LMNTD1: variants seen among roughly 807,000 people sequenced by gnomAD.
The protein encoded by LMNTD1 is lamin tail domain-containing protein 1.
LMNTD1 carries 35 observed loss-of-function variants against 50.9 expected under a neutral mutation model. The observed-to-expected ratio is 0.69, with a 90% CI of 0.53 to 0.91. The LOEUF (loss-of-function observed/expected upper bound fraction) is 0.91. LMNTD1 is among the 40% of genes least tolerant of loss of function. The pLI, the probability that LMNTD1 is intolerant of heterozygous loss-of-function variation, is 0.00. For missense variants in LMNTD1, 470 were observed against 475.5 expected (o/e 0.99, Z 0.11); for synonymous variants, 153 against 161.9 (o/e 0.94, Z 0.42).
chr12:25,619,928 C>G (rs763824492), intron 1 of LMNTD1, among the ~76,000 whole-genome samples: 5 of 152,186 alleles, frequency 3.3e-5, no homozygotes, highest in Admixed American at 6.5e-5. Context: ...TTTAATAACT[C>G]AAGAGTTTGA....
intron 6 of LMNTD1, among the ~76,000 whole-genome samples, chr12:25,523,119 C>T (rs1001655329): frequency 5.3e-5 from 8 of 152,040 alleles, no homozygotes; most frequent in African/African-American, 1.7e-4. Flanking sequence ...CTGCAACCTC[C>T]GCCTCCCAGG....
intron 9 of LMNTD1, among the ~76,000 whole-genome samples, chr12:25,502,358 C>T (rs1939442052): frequency 6.6e-6 from 1 of 152,130 alleles, no homozygotes; most frequent in Non-Finnish European, 1.5e-5. Context: ...AATGCCTGGG[C>T]AGATTTCAGA....
chr12:25,552,469 GGT>G lies in LMNTD1; in HGVS notation c.89+400_89+401del, dbSNP rs986077950. On this transcript the variant is annotated intron_variant, in intron 2 of 9. Coordinates refer to ENST00000458174, the MANE Select transcript of LMNTD1 (RefSeq NM_001145728.2). ...AAAATACAAAAAATTAGCCGGGCGT[GGT>G]GGCGGGCGCCTGTAGTCCTAGCTAC... is the stretch of plus-strand genomic sequence containing the variant. 1.3e-4 allele frequency among the ~76,000 whole-genome samples: 20 copies of G among 151,494 alleles called. 1 individual carries two copies. The highest frequency in any genetic ancestry group is 2.9e-5 in the Non-Finnish European group (2 of 67,890).
At chr12:25,503,025 A>G (rs954658243) in intron 9 of LMNTD1, 2 of 152,276 alleles carry the variant, frequency 1.3e-5, no homozygotes, top group Non-Finnish European at 2.9e-5. Context: ...TAAGTCAAGT[A>G]AAGAATAGGA....
At chr12:25,487,625 T>C (rs1295663806) in intron 9 of LMNTD1, among the ~76,000 whole-genome samples, 1 of 128,572 alleles carries the variant, frequency 7.8e-6, no homozygotes, top group African/African-American at 3.0e-5. Context: ...GAGAATTTAG[T>C]CCATTTACAT....
At chr12:25,507,127 C>T (rs1409976768) in intron 8 of LMNTD1, among the ~76,000 whole-genome samples, 4 of 152,100 alleles carry the variant, frequency 2.6e-5, no homozygotes, top group Middle Eastern at 3.2e-3. Context: ...GCACCCACCT[C>T]GGCCTCCCAA....
At chr12:25,517,023 A>C (rs1940838679) in intron 8 of LMNTD1, among the ~76,000 whole-genome samples, 1 of 137,088 alleles carries the variant, frequency 7.3e-6, no homozygotes, top group Non-Finnish European at 1.6e-5. Flanking sequence ...ATCTCACACC[A>C]GTTAGAATGG....
At chr12:25,577,621 A>G (rs535694564) in intron 1 of LMNTD1, among the ~76,000 whole-genome samples, 2 of 152,320 alleles carry the variant, frequency 1.3e-5, no homozygotes, top group African/African-American at 2.4e-5. Flanking sequence ...CAATCATGTC[A>G]TCTGCAAACA....
chr12:25,552,610 T>C lies in LMNTD1; in HGVS notation c.89+261A>G, dbSNP rs900628510. On this transcript the variant is annotated intron_variant, in intron 2 of 9. Coordinates refer to ENST00000458174, the MANE Select transcript of LMNTD1 (RefSeq NM_001145728.2). ...AAAAAAAAAAAAAAAAACGGAACTTTGGCTGGAATCTCAGCTAGGTCTTAT... is the reference window on the plus strand; with the variant it reads ...AAAAAAAAAAAAAAAAACGGAACTTCGGCTGGAATCTCAGCTAGGTCTTAT... Among the ~76,000 whole-genome samples the C allele has an allele frequency of 1.0e-3, 84 of 83,828 alleles. 1 individual carries two copies. The highest frequency in any genetic ancestry group is 2.1e-3 in the Admixed American group (15 of 7,090). 55.0% of individuals were successfully genotyped at this position (83,828 alleles called of 152,430 possible). A position where few individuals can be genotyped will look rare whatever the true frequency, so the allele number is the denominator to read the frequency against.
At chr12:25,520,136 T>A in intron 6 of LMNTD1, 61 bp from the exon 7 acceptor site, 1 of 364,244 alleles carries the variant, frequency 2.7e-6, no homozygotes, top group Non-Finnish European at 4.8e-6. Flanking sequence ...CATGCTGTTA[T>A]GAGATATACA....
intron 1 of LMNTD1, among the ~76,000 whole-genome samples, chr12:25,647,429 GC>G (rs1373269903): frequency 6.6e-6 from 1 of 152,216 alleles, no homozygotes; most frequent in Non-Finnish European, 1.5e-5. Context: ...GGCAGAGGTT[GC>G]AGTGAGCTGA....
intron 4 of LMNTD1, among the ~76,000 whole-genome samples, chr12:25,529,639 C>A (rs905680037): frequency 4.6e-5 from 7 of 152,168 alleles, no homozygotes; most frequent in Non-Finnish European, 2.9e-5. Flanking sequence ...ATCACGCTCT[C>A]ATCATTTCTG....
intron 1 of LMNTD1, among the ~76,000 whole-genome samples, chr12:25,588,222 A>C (rs1555117902): frequency 6.6e-6 from 1 of 152,218 alleles, no homozygotes; most frequent in Non-Finnish European, 1.5e-5. Context: ...GCAACTAACT[A>C]GAAATTTAAT....
chr12:25,607,116 G>A (rs1484906501), intron 1 of LMNTD1, among the ~76,000 whole-genome samples: 8 of 152,154 alleles, frequency 5.3e-5, no homozygotes, highest in Admixed American at 6.5e-5. Context: ...TAGTTTATTT[G>A]CGTAGAGGTG....
chr12:25,583,584 T>G (rs1024828286), intron 1 of LMNTD1, among the ~76,000 whole-genome samples: 5 of 152,238 alleles, frequency 3.3e-5, no homozygotes, highest in African/African-American at 1.2e-4. Flanking sequence ...CCCGTATCTT[T>G]TTGAATCTCA....
At chr12:25,567,491 G>A (rs1442232038) in intron 1 of LMNTD1, among the ~76,000 whole-genome samples, 3 of 152,104 alleles carry the variant, frequency 2.0e-5, no homozygotes, top group Non-Finnish European at 2.9e-5. Context: ...GATGTGATAT[G>A]GCTTGGATAT....
intron 1 of LMNTD1, among the ~76,000 whole-genome samples, chr12:25,614,000 T>C (rs1190491941): frequency 6.6e-6 from 1 of 151,502 alleles, no homozygotes; most frequent in Non-Finnish European, 1.5e-5. Context: ...GAGAGGAGTA[T>C]CATGGACAAA....
At chr12:25,601,655 C>A (rs116716921) in intron 1 of LMNTD1, among the ~76,000 whole-genome samples, 1 of 151,800 alleles carries the variant, frequency 6.6e-6, no homozygotes, top group African/African-American at 2.4e-5. Context: ...AGATTCCATT[C>A]TAAAACAAAG....
In LMNTD1 at chr12:25,518,799, G is replaced by A; in HGVS notation, c.1185C>T (p.Ala395=). 2 of 1,614,004 alleles carry A rather than the reference G, an allele frequency of 1.2e-6. No individual in the cohort carries two copies. Among genetic ancestry groups the A allele is most frequent in the Non-Finnish European group, 1.7e-6 (2 of 1,179,928 alleles). Residue 395 remains alanine, a synonymous_variant, in exon 8 of 10, where the codon GCC becomes GCT. Transcript: ENST00000458174. ...PRTRSTRPNR[A]SGSKKKKTSE... ...ACAAGCACTCTTTTAACTGACCTGA[G>A]GCTCGATTAGGTCTGGTTGACCGAG...
Sources: gnomAD v4.1 joint callset for allele counts (sites outside exome capture counted in the v4.1 genomes callset) on GRCh38, gnomAD v4.1.1 for gene constraint, MANE v1.5 for transcripts, NCBI Gene and HGNC (gene_info 2026-07-23, HGNC 2026-07-21) for gene names.